The following PIK3CB variants were observed in gnomAD, a reference collection of about 807,000 sequenced individuals.
The protein encoded by PIK3CB is phosphatidylinositol 4,5-bisphosphate 3-kinase catalytic subunit beta isoform.
A neutral mutation model predicts 136.8 loss-of-function variants in PIK3CB; 39 were observed. The ratio of observed to expected loss-of-function variants is 0.29; its 90% confidence interval spans 0.22 to 0.37. The LOEUF (loss-of-function observed/expected upper bound fraction) is 0.37, where lower values mean the gene tolerates loss of function less well. PIK3CB is among the 10% of genes least tolerant of loss of function. The pLI, the probability that PIK3CB is intolerant of heterozygous loss-of-function variation, is 1.00. For synonymous variants in PIK3CB, 428 were observed against 436.6 expected, an observed-to-expected ratio of 0.98 and a Z score of 0.25; for missense variants, 868 against 1,275.4, an observed-to-expected ratio of 0.68 and a Z score of 4.87.
chr3:138,807,507 T>C (rs569427376), intron 1 of PIK3CB, among the ~76,000 whole-genome samples: 1 of 152,272 alleles, frequency 6.6e-6, no homozygotes, highest in South Asian at 2.1e-4. Context: ...CAATACACTA[T>C]AAACTTTCTT....
chr3:138,795,014 A>C (rs1452790369), intron 2 of PIK3CB, among the ~76,000 whole-genome samples: 1 of 151,698 alleles, frequency 6.6e-6, no homozygotes, highest in Non-Finnish European at 1.5e-5. Context: ...CTGAGACCCC[A>C]TTTTCTTAAA....
rs532925897 is a variant in PIK3CB at position 138,833,386 on chromosome 3, C to T, written c.-122+1309G>A. Among the ~76,000 whole-genome samples, 63 of 152,238 alleles carry T rather than the reference C, an allele frequency of 4.1e-4. 1 individual carries two copies. The highest frequency in any genetic ancestry group is 1.4e-3 in the African/African-American group (60 of 41,570). On this transcript the variant is annotated intron_variant, in intron 1 of 23. Transcript: ENST00000674063. ...CTGGTCAGAAAAAAGACTTTACTTT[C>T]TTCCATACCTGCATTCTGAAACTGG...
rs990775583 is a variant in PIK3CB at position 138,769,477 on chromosome 3, C to A, written c.-16-10118G>T. On this transcript the variant is annotated intron_variant, in intron 2 of 23. Transcript: ENST00000674063. ...TATAACTAGCTCTTAGTTTTCAAGA[C>A]CTTTAGTAACAAATTTACCGAAGAG... Among the ~76,000 whole-genome samples the A allele has an allele frequency of 2.0e-4, 31 of 152,256 alleles. 1 individual carries two copies. Among genetic ancestry groups the A allele is most frequent in the African/African-American group, 7.5e-4 (31 of 41,550 alleles).
intron 2 of PIK3CB, among the ~76,000 whole-genome samples, chr3:138,792,513 G>A (rs1051193632): frequency 6.6e-6 from 1 of 152,060 alleles, no homozygotes; most frequent in African/African-American, 2.4e-5. Context: ...AGGCGGAACT[G>A]CAGGCATTCG....
At chr3:138,718,221 G>C (rs559451) in intron 8 of PIK3CB, among the ~76,000 whole-genome samples, 90,520 of 152,002 alleles carry the variant, frequency 0.6, 27,795 homozygotes, top group East Asian at 0.98. Context: ...AATAGCCATT[G>C]CGACTGGTGT....
chr3:138,716,754 G>A (rs1423898247), intron 8 of PIK3CB, among the ~76,000 whole-genome samples: 1 of 151,510 alleles, frequency 6.6e-6, no homozygotes, highest in African/African-American at 2.4e-5. Flanking sequence ...AAATTAGCTG[G>A]GTGTGGTGGA....
intron 1 of PIK3CB, among the ~76,000 whole-genome samples, chr3:138,799,537 C>T (rs1267295399): frequency 6.6e-6 from 1 of 152,090 alleles, no homozygotes; most frequent in Non-Finnish European, 1.5e-5. Context: ...CTGCTTAAAA[C>T]CTTCCAAAGG....
At chr3:138,797,470 T>A (rs2046121626) in intron 1 of PIK3CB, among the ~76,000 whole-genome samples, 1 of 152,134 alleles carries the variant, frequency 6.6e-6, no homozygotes, top group South Asian at 2.1e-4. Context: ...AATTCCCTAT[T>A]ACATATATTA....
At chr3:138,697,868 G>A (rs1052952305) in intron 13 of PIK3CB, among the ~76,000 whole-genome samples, 6 of 151,924 alleles carry the variant, frequency 3.9e-5, no homozygotes, top group African/African-American at 1.2e-4. Flanking sequence ...AAGTAGCTAG[G>A]ACTACAGGCA....
intron 2 of PIK3CB, chr3:138,770,105 A>C (rs1255589194): frequency 1.3e-5 from 2 of 152,208 alleles, no homozygotes; most frequent in Non-Finnish European, 2.9e-5. Context: ...GCATCAAAGC[A>C]AGAGATCAAA....
At chr3:138,680,384 A>G (rs914318061) in intron 19 of PIK3CB, among the ~76,000 whole-genome samples, 3 of 152,018 alleles carry the variant, frequency 2.0e-5, no homozygotes, top group Admixed American at 2.0e-4. Context: ...GAAGAAAAAT[A>G]TTAGACACAG....
At chr3:138,744,392 CAAAAAAAAAAAAAAAAAAA>C in intron 4 of PIK3CB, among the ~76,000 whole-genome samples, 1 of 45,108 alleles carries the variant, frequency 2.2e-5, no homozygotes, top group East Asian at 4.9e-4. Context: ...GAGACTCCCC[CAAAAAAAAAAAAAAAAAAA>C]AAAAAAAAAA....
chr3:138,747,365 T>G (rs2045382270), intron 4 of PIK3CB, among the ~76,000 whole-genome samples: 1 of 151,958 alleles, frequency 6.6e-6, no homozygotes, highest in Non-Finnish European at 1.5e-5. Flanking sequence ...GATCCCTTTT[T>G]ACTGCAATAT....
intron 2 of PIK3CB, among the ~76,000 whole-genome samples, chr3:138,776,596 AGCTGAGGGACGATC>A (rs1435269063): frequency 6.6e-6 from 1 of 152,018 alleles, no homozygotes; most frequent in Non-Finnish European, 1.5e-5. Flanking sequence ...CTACTCAGGA[AGCTGAGGGACGATC>A]GCCTGAGCCT....
At chr3:138,668,739 A>G (rs2043465887) in intron 19 of PIK3CB, among the ~76,000 whole-genome samples, 1 of 152,272 alleles carries the variant, frequency 6.6e-6, no homozygotes, top group Admixed American at 6.5e-5. Context: ...TGCTACATTG[A>G]TATATTGCAC....
At chr3:138,805,128 AGT>A in intron 1 of PIK3CB, among the ~76,000 whole-genome samples, 1 of 152,012 alleles carries the variant, frequency 6.6e-6, no homozygotes, top group Non-Finnish European at 1.5e-5. Flanking sequence ...TGAGGTCAGG[AGT>A]TCGAGACCAG....
chr3:138,737,579 C>T (rs987543442), intron 6 of PIK3CB, 128 bp downstream of exon 6: 2 of 281,680 alleles, frequency 7.1e-6, no homozygotes, highest in Non-Finnish European at 1.3e-5. Flanking sequence ...CTATTTAATA[C>T]TGTATAATTT....
chr3:138,790,368 T>G (rs946273571), intron 2 of PIK3CB, among the ~76,000 whole-genome samples: 5 of 151,896 alleles, frequency 3.3e-5, no homozygotes, highest in Admixed American at 1.3e-4. Flanking sequence ...ATCCTAGCAT[T>G]TTGTGAGGCC....
chr3:138,717,273 A>C (rs1014301402), intron 8 of PIK3CB, among the ~76,000 whole-genome samples: 1 of 151,532 alleles, frequency 6.6e-6, no homozygotes, highest in Admixed American at 6.6e-5. Flanking sequence ...AAAAAAAAAG[A>C]AGTAGTTTAT....
Sources: allele counts gnomAD v4.1 joint callset (sites outside exome capture counted in the v4.1 genomes callset), GRCh38; gene constraint gnomAD v4.1.1; transcripts MANE v1.5; gene names NCBI Gene and HGNC (gene_info 2026-07-23, HGNC 2026-07-21).